CENPP: variants seen among roughly 807,000 people sequenced by gnomAD.
The protein encoded by CENPP is centromere protein P.
CENPP carries 24 observed loss-of-function variants against 35.6 expected under a neutral mutation model. The observed-to-expected ratio is 0.67, with a 90% CI of 0.49 to 0.95. CENPP has a LOEUF of 0.95. Among genes scored for constraint, CENPP ranks in the 40% least tolerant of loss-of-function variants. The pLI, the probability that CENPP is intolerant of heterozygous loss-of-function variation, is 0.00. For synonymous variants in CENPP, 120 were observed against 125.5 expected (o/e 0.96, Z 0.29); for missense variants, 332 against 345.3 (o/e 0.96, Z 0.31).
At chr9:92,427,585 A>G (rs1052547179) in intron 5 of CENPP, among the ~76,000 whole-genome samples, 23 of 152,210 alleles carry the variant, frequency 1.5e-4, no homozygotes, top group African/African-American at 4.6e-4. Flanking sequence ...GGTTTAAGCA[A>G]TTCTTCTGCC....
chr9:92,415,535 C>T, intron 5 of CENPP: 1 of 945,336 alleles, frequency 1.1e-6, no homozygotes, highest in Non-Finnish European at 1.5e-6. Flanking sequence ...TAGTTATAGC[C>T]ATAATTCTAT....
At chr9:92,531,360 A>C (rs1322211998) in intron 5 of CENPP, among the ~76,000 whole-genome samples, 1 of 152,180 alleles carries the variant, frequency 6.6e-6, no homozygotes, top group Non-Finnish European at 1.5e-5. Context: ...TGGACAATAC[A>C]AGAACCAGGA....
chr9:92,383,202 ACT>A (rs1842304513), intron 5 of CENPP, among the ~76,000 whole-genome samples: 1 of 152,112 alleles, frequency 6.6e-6, no homozygotes, highest in Admixed American at 6.6e-5. Flanking sequence ...CCAGCCACAC[ACT>A]GTTTTCATTA....
chr9:92,388,405 G>A (rs1043499204), intron 5 of CENPP, among the ~76,000 whole-genome samples: 1 of 151,814 alleles, frequency 6.6e-6, no homozygotes, highest in Non-Finnish European at 1.5e-5. Flanking sequence ...CAAGTGATCC[G>A]CCTGCCTCAT....
intron 5 of CENPP, among the ~76,000 whole-genome samples, chr9:92,563,805 T>TCCC (rs1554687854): frequency 1.1e-5 from 1 of 90,128 alleles, no homozygotes; most frequent in Admixed American, 1.1e-4. Context: ...CTCCTCCTCC[T>TCCC]CCCAAAGTGG....
At chr9:92,373,510 T>C (rs1167278513) in intron 4 of CENPP, among the ~76,000 whole-genome samples, 1 of 152,172 alleles carries the variant, frequency 6.6e-6, no homozygotes, top group Non-Finnish European at 1.5e-5. Context: ...AATTCTCTTG[T>C]ATCTCACTGA....
intron 5 of CENPP, among the ~76,000 whole-genome samples, chr9:92,382,041 T>C (rs969767302): frequency 1.3e-5 from 2 of 152,082 alleles, no homozygotes; most frequent in African/African-American, 2.4e-5. Context: ...TTTGAGGAAA[T>C]GTCTGTGCAA....
chr9:92,416,587 C>G (rs1843619239), intron 5 of CENPP: 1 of 1,285,242 alleles, frequency 7.8e-7, no homozygotes, highest in South Asian at 1.5e-5. Context: ...TCCATTCTTT[C>G]TCTCTTCAAA....
chr9:92,416,691 TG>T, intron 5 of CENPP: 2 of 1,611,904 alleles, frequency 1.2e-6, no homozygotes, highest in Non-Finnish European at 1.7e-6. Flanking sequence ...TTCAATTTGT[TG>T]TGTCCAACAC....
At chr9:92,564,842 A>G (rs1487271449) in intron 5 of CENPP, among the ~76,000 whole-genome samples, 1 of 152,222 alleles carries the variant, frequency 6.6e-6, no homozygotes, top group Non-Finnish European at 1.5e-5. Context: ...GTTGATAGAA[A>G]TGTGAATTGA....
At chr9:92,328,671 A>G (rs1450577965) in intron 1 of CENPP, among the ~76,000 whole-genome samples, 1 of 152,216 alleles carries the variant, frequency 6.6e-6, no homozygotes, top group Non-Finnish European at 1.5e-5. Flanking sequence ...CAAGCTCCTA[A>G]TTCTGACAAA....
At chr9:92,576,879 A>C (rs1019169698) in intron 5 of CENPP, among the ~76,000 whole-genome samples, 2 of 152,232 alleles carry the variant, frequency 1.3e-5, no homozygotes, top group African/African-American at 4.8e-5. Flanking sequence ...AAAATAGGTA[A>C]GCAATTTGAT....
At chr9:92,419,025 A>G (rs763446202) in intron 5 of CENPP, among the ~76,000 whole-genome samples, 1 of 152,172 alleles carries the variant, frequency 6.6e-6, no homozygotes, top group Non-Finnish European at 1.5e-5. Context: ...CCAGGTGTTT[A>G]AAGTCTTGTG....
intron 3 of CENPP, among the ~76,000 whole-genome samples, chr9:92,338,215 G>T (rs923226430): frequency 1.3e-5 from 2 of 152,130 alleles, no homozygotes; most frequent in African/African-American, 4.8e-5. Context: ...CGGAGGCTGA[G>T]GTAGAAGGAT....
intron 4 of CENPP, among the ~76,000 whole-genome samples, chr9:92,351,543 C>T (rs1171690797): frequency 1.3e-5 from 2 of 151,908 alleles, no homozygotes; most frequent in Non-Finnish European, 2.9e-5. Flanking sequence ...TCCCTCTCCT[C>T]ATCCACCATT....
chr9:92,571,448 T>C (rs1850136469), intron 5 of CENPP, among the ~76,000 whole-genome samples: 1 of 152,174 alleles, frequency 6.6e-6, no homozygotes, highest in African/African-American at 2.4e-5. Context: ...TGAGAGACAG[T>C]TTGTTATAAT....
chr9:92,357,740 C>G (rs1040415485), intron 4 of CENPP, among the ~76,000 whole-genome samples: 1 of 152,080 alleles, frequency 6.6e-6, no homozygotes, highest in Non-Finnish European at 1.5e-5. Flanking sequence ...TCAGGTGATC[C>G]TGCCTTGGCC....
intron 5 of CENPP, among the ~76,000 whole-genome samples, chr9:92,577,175 G>A (rs1460254416): frequency 3.3e-5 from 5 of 152,186 alleles, no homozygotes; most frequent in African/African-American, 1.2e-4. Context: ...CTAGGTGTGT[G>A]TGTATATATA....
intron 5 of CENPP, among the ~76,000 whole-genome samples, chr9:92,550,803 A>T (rs779455852): frequency 4.9e-4 from 75 of 152,170 alleles, no homozygotes; most frequent in Non-Finnish European, 9.0e-4. Flanking sequence ...GCCAGGTTCC[A>T]ATTTAGAATC....
Sources: gnomAD v4.1 joint callset for allele counts (sites outside exome capture counted in the v4.1 genomes callset) on GRCh38, gnomAD v4.1.1 for gene constraint, MANE v1.5 for transcripts, NCBI Gene and HGNC (gene_info 2026-07-23, HGNC 2026-07-21) for gene names.